The following PM20D2 variants were observed in gnomAD, a reference collection of about 807,000 sequenced individuals.
The protein encoded by PM20D2 is xaa-Arg dipeptidase.
A neutral mutation model predicts 42.9 loss-of-function variants in PM20D2; 33 were observed. That is an observed-to-expected ratio of 0.77 (90% CI 0.58 to 1.03). PM20D2 has a LOEUF of 1.03. Among genes scored for constraint, PM20D2 ranks in the 50% least tolerant of loss-of-function variants. The probability of loss-of-function intolerance (pLI) is 0.00; values close to 1 mark genes in which losing one functional copy is unlikely to be tolerated. For synonymous variants in PM20D2, 250 were observed against 228.2 expected (o/e 1.10, Z -0.86); for missense variants, 548 against 557.0 (o/e 0.98, Z 0.16).
the PM20D2 span, among the ~76,000 whole-genome samples, chr6:89,094,560 T>C: frequency 6.6e-5 from 10 of 152,204 alleles, no homozygotes; most frequent in Admixed American, 2.6e-4. Flanking sequence ...TACTAGTTTA[T>C]AAACAGATGT....
the PM20D2 span, among the ~76,000 whole-genome samples, chr6:89,126,432 T>C: frequency 2.0e-5 from 3 of 151,914 alleles, no homozygotes; most frequent in East Asian, 5.8e-4. Flanking sequence ...ACGCCTGTAA[T>C]CCTAGCACTT....
the PM20D2 span, among the ~76,000 whole-genome samples, chr6:89,125,308 G>A: frequency 9.2e-5 from 14 of 152,054 alleles, no homozygotes; most frequent in African/African-American, 1.9e-4. Flanking sequence ...GTGAAACTCC[G>A]TCTCTACTAA....
At chr6:89,129,086 G>A in the PM20D2 span, among the ~76,000 whole-genome samples, 1 of 152,202 alleles carries the variant, frequency 6.6e-6, no homozygotes, top group Non-Finnish European at 1.5e-5. Context: ...GCTAGAGGGT[G>A]TGGTGGCCTC....
Position 89,158,423 on chromosome 6 carries a change from G to A in PM20D2, c.1011G>A (p.Glu337=), listed in dbSNP as rs2127781061. Residue 337 remains glutamate (E), a synonymous_variant, in exon 5 of 7, where the codon GAG becomes GAA. Transcript: ENST00000275072. ...YMENGRKLGI[E]FISEDTMLNG... is the part of the protein sequence containing the mutation. ...AAAATGGAAGAAAGCTAGGAATAGA[G>A]TTCATTTCAGAAGATACAATGTTGA... 1 of 1,612,184 alleles carries A rather than the reference G, an allele frequency of 6.2e-7. No individual in the cohort carries two copies.
the PM20D2 span, among the ~76,000 whole-genome samples, chr6:89,117,585 G>A: frequency 6.6e-6 from 1 of 152,158 alleles, no homozygotes; most frequent in Non-Finnish European, 1.5e-5. Context: ...ACGCGGGCCC[G>A]GGACACGATG....
the PM20D2 span, among the ~76,000 whole-genome samples, chr6:89,112,043 T>C: frequency 6.6e-6 from 1 of 152,218 alleles, no homozygotes; most frequent in African/African-American, 2.4e-5. Flanking sequence ...AGCCTCACTC[T>C]GTTGCCCAGG....
the PM20D2 span, among the ~76,000 whole-genome samples, chr6:89,116,339 C>G: frequency 6.6e-6 from 1 of 152,172 alleles, no homozygotes; most frequent in Non-Finnish European, 1.5e-5. Context: ...CTGCCCAAAT[C>G]ATAAATTATG....
chr6:89,148,510 CTT>C (rs1770687838), intron 1 of PM20D2: 1 of 975,012 alleles, frequency 1.0e-6, no homozygotes, highest in Non-Finnish European at 1.2e-6. Context: ...GTAAAGTTCT[CTT>C]TTGTTTAATT....
Position 89,163,216 on chromosome 6 carries a change from G to C in PM20D2, c.*953G>C, listed in dbSNP as rs1428164124. ...CATCAGAGTTTAAAGTAGCTTCGTGGATGGACCATGATCCTAAGATGAGTT... is the reference window on the plus strand; with the variant it reads ...CATCAGAGTTTAAAGTAGCTTCGTGCATGGACCATGATCCTAAGATGAGTT... On this transcript the variant is annotated 3_prime_UTR_variant, in exon 7 of 7. Transcript: ENST00000275072. The C allele has an allele frequency of 6.6e-6, 1 of 152,188 alleles. No individual in the cohort carries two copies. Among genetic ancestry groups the C allele is most frequent in the Admixed American group, 6.5e-5 (1 of 15,282 alleles). 9.4% of individuals were successfully genotyped at this position (152,188 alleles called of 1,614,324 possible).
the PM20D2 span, among the ~76,000 whole-genome samples, chr6:89,131,805 A>G: frequency 6.6e-6 from 1 of 152,282 alleles, no homozygotes; most frequent in East Asian, 1.9e-4. Flanking sequence ...CATGAGTCCA[A>G]TTCCTGCCAC....
intron 5 of PM20D2, among the ~76,000 whole-genome samples, chr6:89,160,655 A>T (rs1325557073): frequency 1.3e-5 from 2 of 152,228 alleles, no homozygotes; most frequent in Admixed American, 6.5e-5. Context: ...TGCCTCATAC[A>T]GCCTCATAAT....
the PM20D2 span, among the ~76,000 whole-genome samples, chr6:89,139,665 G>A: frequency 3.9e-5 from 6 of 152,044 alleles, no homozygotes; most frequent in East Asian, 1.9e-4. Flanking sequence ...CTGTGATCAC[G>A]CCCCTGCACT....
At chr6:89,133,367 C>T in the PM20D2 span, among the ~76,000 whole-genome samples, 1,793 of 151,138 alleles carry the variant, frequency 0.012, 169 homozygotes, top group African/African-American at 0.042. Context: ...TTTCTCTATA[C>T]ATAAGTATAG....
chr6:89,131,012 C>G, the PM20D2 span, among the ~76,000 whole-genome samples: 1 of 151,562 alleles, frequency 6.6e-6, no homozygotes. Context: ...CTATTTCTTA[C>G]AGTTCTGGAA....
the PM20D2 span, among the ~76,000 whole-genome samples, chr6:89,121,595 A>C: frequency 1.3e-5 from 2 of 152,298 alleles, no homozygotes; most frequent in Admixed American, 6.5e-5. Flanking sequence ...CCATTTAACA[A>C]AAGTATTGCT....
At chr6:89,125,162 T>G in the PM20D2 span, among the ~76,000 whole-genome samples, 1 of 152,172 alleles carries the variant, frequency 6.6e-6, no homozygotes, top group African/African-American at 2.4e-5. Context: ...AAAAGGGTCT[T>G]GTGTGTGATA....
At chr6:89,155,294 G>A (rs551725055) in intron 4 of PM20D2, among the ~76,000 whole-genome samples, 7 of 133,338 alleles carry the variant, frequency 5.2e-5, no homozygotes, top group Admixed American at 4.8e-4. Context: ...TTGGTGGGGG[G>A]ACAGGGTGTT....
the PM20D2 span, among the ~76,000 whole-genome samples, chr6:89,116,031 G>C: frequency 6.6e-6 from 1 of 152,208 alleles, no homozygotes; most frequent in South Asian, 2.1e-4. Context: ...CAACTAGTAA[G>C]ATATATCAAC....
chr6:89,104,694 A>G, the PM20D2 span, among the ~76,000 whole-genome samples: 1 of 152,186 alleles, frequency 6.6e-6, no homozygotes. Context: ...TTATCTTTTA[A>G]CAAAAATTGA....
Sources: gnomAD v4.1 joint callset for allele counts (sites outside exome capture counted in the v4.1 genomes callset) on GRCh38, gnomAD v4.1.1 for gene constraint, MANE v1.5 for transcripts, NCBI Gene and HGNC (gene_info 2026-07-23, HGNC 2026-07-21) for gene names.